Variants in CCDC85C observed in about 807,000 individuals in gnomAD.
The protein encoded by CCDC85C is coiled-coil domain containing 85C.
Under a neutral mutation model 38.3 loss-of-function variants are expected in CCDC85C, and 18 were observed. The ratio of observed to expected loss-of-function variants is 0.47; its 90% CI spans 0.33 to 0.70. The LOEUF (loss-of-function observed/expected upper bound fraction) is 0.70, where lower values mean the gene tolerates loss of function less well. Among genes scored for constraint, CCDC85C ranks in the 30% least tolerant of loss-of-function variants. The pLI is 0.03. For synonymous variants in CCDC85C, 264 were observed against 293.8 expected (o/e 0.90, Z 1.04); for missense variants, 566 against 621.2 (o/e 0.91, Z 0.94).
intron 1 of CCDC85C, among the ~76,000 whole-genome samples, chr14:99,578,483 C>T (rs2054926935): frequency 6.6e-6 from 1 of 152,172 alleles, no homozygotes; most frequent in Non-Finnish European, 1.5e-5. Flanking sequence ...GATGTGGTTG[C>T]TTATTCAGTG....
intron 1 of CCDC85C, among the ~76,000 whole-genome samples, chr14:99,543,814 A>T (rs1294039316): frequency 3.3e-5 from 5 of 152,142 alleles, no homozygotes; most frequent in African/African-American, 7.2e-5. Flanking sequence ...TTATTTATGG[A>T]TGAAGGCAAG....
rs1355415683 is a variant in CCDC85C, at chr14:99,572,113, A to G, written c.793+31054T>C. ...CGCAAGTCTCTGGAAGGCAGCGGCA[A>G]GGGCCAGATTCCCCACATACCCTCC... On this transcript the variant is annotated intron_variant, in intron 1 of 5. Coordinates refer to ENST00000380243, the MANE Select transcript of CCDC85C (RefSeq NM_001144995.2). This position sits in a 1 kb window ranked among gnomAD's most constrained non-coding sequence, Gnocchi z 4.4. Among the ~76,000 whole-genome samples the G allele has an allele frequency of 6.6e-6, 1 of 152,178 alleles. No individual in the cohort carries two copies. The highest frequency in any genetic ancestry group is 2.1e-4 in the South Asian group (1 of 4,828).
intron 1 of CCDC85C, chr14:99,579,966 G>C: frequency 4.5e-6 from 2 of 443,756 alleles, no homozygotes; most frequent in South Asian, 1.6e-5. Flanking sequence ...CCAGGGTAGG[G>C]CATTAATCAC....
rs763203304 is a variant in CCDC85C, at chr14:99,503,098, C to G, written c.*12148G>C. 1 of 1,172,140 alleles carries G rather than the reference C, an allele frequency of 8.5e-7. No homozygotes were observed. Among genetic ancestry groups the G allele is most frequent in the Admixed American group, 1.7e-5 (1 of 58,872 alleles). The allele number at this position is 1,172,140 out of a possible 1,614,324, so 72.6% of individuals were successfully genotyped here. ...GGGAACACCGGAAGCAGGGGGTGTT[C>G]GCCGAAACTCGCAGTCCGACTGCTT... is the stretch of plus-strand genomic sequence containing the variant. On this transcript the variant is annotated 3_prime_UTR_variant, in exon 6 of 6. Coordinates refer to ENST00000380243, the MANE Select transcript of CCDC85C (RefSeq NM_001144995.2).
chr14:99,501,441 A>C lies in CCDC85C; in HGVS notation c.*13805T>G. On this transcript the variant is annotated 3_prime_UTR_variant, in exon 6 of 6. Transcript: ENST00000380243. ...ATACATGTTCAAATGTTGATTAATTACAGTATTTTAAAATAGGCAGAGACT... is the reference window on the plus strand; with the variant it reads ...ATACATGTTCAAATGTTGATTAATTCCAGTATTTTAAAATAGGCAGAGACT... 7.0e-7 allele frequency: 1 copy of C among 1,429,952 alleles called. No homozygotes were observed. Among genetic ancestry groups the C allele is most frequent in the Non-Finnish European group, 9.8e-7 (1 of 1,015,734 alleles). The allele number at this position is 1,429,952 out of a possible 1,614,324, so 88.6% of individuals were successfully genotyped here.
Position 99,536,094 on chromosome 14 carries a change from A to G in CCDC85C, c.794-6T>C. 3 of 1,544,002 alleles carry G rather than the reference A, an allele frequency of 1.9e-6. No homozygotes were observed. The highest frequency in any genetic ancestry group is 2.6e-6 in the Non-Finnish European group (3 of 1,140,094). On this transcript the variant is annotated splice_region_variant and splice_polypyrimidine_tract_variant and intron_variant, in intron 1 of 5. Transcript: ENST00000380243. The stretch of plus-strand genomic sequence containing the variant: ...GATGTAGGTGGATGAGGGATCTGGA[A>G]GGACACAAGAGGAAGGGGGACATTA...
rs1897023505 is a variant in CCDC85C at position 99,508,177 on chromosome 14, G to A, written c.*7069C>T. 6.6e-6 allele frequency: 1 copy of A among 152,226 alleles called. No homozygotes were observed. Among genetic ancestry groups the A allele is most frequent in the Non-Finnish European group, 1.5e-5 (1 of 68,040 alleles). 9.4% of individuals were successfully genotyped at this position (152,226 alleles called of 1,614,324 possible). A position where few individuals can be genotyped will look rare whatever the true frequency, so the allele number is the denominator to read the frequency against. ...TCAATCATGATAGTGTTTGTGCTTT[G>A]GGAGAACAGAGGCGTCATTTTCCAC... On this transcript the variant is annotated 3_prime_UTR_variant, in exon 6 of 6. Coordinates refer to ENST00000380243, the MANE Select transcript of CCDC85C (RefSeq NM_001144995.2).
Position 99,603,452 on chromosome 14 carries a change from C to A in CCDC85C, c.508G>T (p.Gly170Cys). 1 of 1,275,744 alleles carries A rather than the reference C, an allele frequency of 7.8e-7. No individual in the cohort carries two copies. Among genetic ancestry groups the A allele is most frequent in the South Asian group, 2.6e-5 (1 of 37,740 alleles). The allele number at this position is 1,275,744 out of a possible 1,614,324, so 79.0% of individuals were successfully genotyped here. ...CTGCGGGAGCCGGCGCCGCCCCCGC[C>A]GCCGCCGCCACCGCTTGCGGCCCCC... ...ATGAASGGGG[G>C]GGGAGSRSSI... is the part of the protein sequence containing the mutation. Residue 170 changes from glycine to cysteine, a missense_variant, in exon 1 of 6, where the codon GGC becomes TGC. This residue lies in a region of CCDC85C where 269 missense variants were observed against 308.2 expected (regional missense o/e 0.87). Transcript: ENST00000380243. The surrounding 1 kb of genome is among the most constrained non-coding windows in gnomAD (Gnocchi z 7.5).
chr14:99,501,648 C>A lies in CCDC85C; in HGVS notation c.*13598G>T. The A allele has an allele frequency of 1.9e-6, 1 of 518,988 alleles. No homozygotes were observed. Among genetic ancestry groups the A allele is most frequent in the South Asian group, 2.9e-5 (1 of 35,022 alleles). 32.1% of individuals were successfully genotyped at this position (518,988 alleles called of 1,614,324 possible). On this transcript the variant is annotated 3_prime_UTR_variant, in exon 6 of 6. Transcript: ENST00000380243. ...GAGGTGCTGAAATTTTATCACCAGT[C>A]TGAAACATAAGTCCAAAACAATACA...
chr14:99,589,722 G>A (rs1249923784), intron 1 of CCDC85C, among the ~76,000 whole-genome samples: 3 of 152,070 alleles, frequency 2.0e-5, no homozygotes, highest in South Asian at 2.1e-4. Flanking sequence ...GAGGAGGACA[G>A]GCTGCTGAGA....
In CCDC85C at chr14:99,515,127, A is replaced by G; in HGVS notation, c.*119T>C. The G allele has an allele frequency of 1.4e-6, 1 of 721,854 alleles. No individual in the cohort carries two copies. Among genetic ancestry groups the G allele is most frequent in the Non-Finnish European group, 2.3e-6 (1 of 436,570 alleles). The allele number at this position is 721,854 out of a possible 1,614,324, so 44.7% of individuals were successfully genotyped here. A position where few individuals can be genotyped will look rare whatever the true frequency, so the allele number is the denominator to read the frequency against. Reference sequence around the variant, plus strand: ...GGCCAGGGCGGGCAGCGTCCTATGTACAGTTCACCACAGAGGAAGAAGACA... The same window carrying G: ...GGCCAGGGCGGGCAGCGTCCTATGTGCAGTTCACCACAGAGGAAGAAGACA... On this transcript the variant is annotated 3_prime_UTR_variant, in exon 6 of 6. Transcript: ENST00000380243.
chr14:99,568,382 A>G (rs574769772), intron 1 of CCDC85C, among the ~76,000 whole-genome samples: 1 of 150,774 alleles, frequency 6.6e-6, no homozygotes, highest in East Asian at 2.0e-4. Flanking sequence ...GTGGGGCCCC[A>G]GGTCCCCAGA....
chr14:99,556,140 C>T (rs530067422), intron 1 of CCDC85C, among the ~76,000 whole-genome samples: 3 of 152,342 alleles, frequency 2.0e-5, no homozygotes, highest in East Asian at 3.9e-4. Flanking sequence ...TCACTCAGGC[C>T]GGGTGCAGTG....
intron 1 of CCDC85C, among the ~76,000 whole-genome samples, chr14:99,550,840 G>T (rs894169947): frequency 1.3e-5 from 2 of 152,166 alleles, no homozygotes; most frequent in Non-Finnish European, 2.9e-5. Flanking sequence ...TGACCATGGG[G>T]ACAGCGGTAC....
intron 1 of CCDC85C, among the ~76,000 whole-genome samples, chr14:99,551,378 T>A (rs113926109): frequency 3.3e-5 from 5 of 152,234 alleles, no homozygotes; most frequent in African/African-American, 1.2e-4. Context: ...GGTGTGCAGG[T>A]GAGCAGGTGA....
chr14:99,535,880 C>G lies in CCDC85C; in HGVS notation c.867+135G>C. The G allele has an allele frequency of 1.5e-6, 1 of 686,872 alleles. No homozygotes were observed. The highest frequency in any genetic ancestry group is 2.6e-6 in the Non-Finnish European group (1 of 390,110). The allele number at this position is 686,872 out of a possible 1,614,324, so 42.5% of individuals were successfully genotyped here. The stretch of plus-strand genomic sequence containing the variant: ...AGGGTTAGGTCCCTGACCCCACTTT[C>G]CAGGAGGTGACAGGTGGCAGTGGGA... On this transcript the variant is annotated intron_variant, in intron 2 of 5. Transcript: ENST00000380243. This position sits in a 1 kb window ranked among gnomAD's most constrained non-coding sequence, Gnocchi z 5.5.
chr14:99,532,182 G>C (rs1897506524), intron 2 of CCDC85C, among the ~76,000 whole-genome samples: 1 of 152,238 alleles, frequency 6.6e-6, no homozygotes, highest in Non-Finnish European at 1.5e-5. Flanking sequence ...ATCAGCAAAG[G>C]TGGGCAGCCC....
chr14:99,502,389 C>T lies in CCDC85C; in HGVS notation c.*12857G>A, dbSNP rs1896854029. ...GACGTTTTGGAAGGTACCAGGCATG[C>T]TAAGCGTTCTCGTGAGGGTGTTCCA... On this transcript the variant is annotated 3_prime_UTR_variant, in exon 6 of 6. Coordinates refer to ENST00000380243, the MANE Select transcript of CCDC85C (RefSeq NM_001144995.2). 1 of 1,611,776 alleles carries T rather than the reference C, an allele frequency of 6.2e-7. No individual in the cohort carries two copies. The highest frequency in any genetic ancestry group is 2.2e-5 in the East Asian group (1 of 44,864).
In CCDC85C at chr14:99,566,506, G is replaced by C. The variant is rs796908052; in HGVS notation, c.794-30418C>G. Among the ~76,000 whole-genome samples, 39 of 152,242 alleles carry C rather than the reference G, an allele frequency of 2.6e-4. 1 individual carries two copies. The highest frequency in any genetic ancestry group is 9.4e-4 in the African/African-American group (39 of 41,548). ...CCCCTCCCCTCCATCCGGAGAGGTG[G>C]GGCTTCAGGTTCACACTGACCTCCA... On this transcript the variant is annotated intron_variant, in intron 1 of 5. Transcript: ENST00000380243.
Sources: allele counts gnomAD v4.1 joint callset (sites outside exome capture counted in the v4.1 genomes callset), GRCh38; gene constraint gnomAD v4.1.1; regional missense constraint gnomAD v4.1.1; non-coding constraint Gnocchi (gnomAD v3.1); transcripts MANE v1.5; gene names NCBI Gene and HGNC (gene_info 2026-07-23, HGNC 2026-07-21).